The following OLFM1 variants were observed in gnomAD, a reference collection of about 807,000 sequenced individuals.
OLFM1 encodes the protein olfactomedin 1, also known as noelin.
In OLFM1, 9 loss-of-function variants were observed where a neutral mutation model predicts 49.7. The observed-to-expected ratio is 0.18, with a 90% confidence interval of 0.11 to 0.32. The LOEUF (loss-of-function observed/expected upper bound fraction) is 0.32. Among genes scored for constraint, OLFM1 ranks in the 10% least tolerant of loss-of-function variants. The pLI is 1.00. For synonymous variants in OLFM1, 240 were observed against 271.8 expected (o/e 0.88, Z 1.15); for missense variants, 369 against 661.8 (o/e 0.56, Z 4.85).
intron 5 of OLFM1, among the ~76,000 whole-genome samples, chr9:135,108,923 C>A (rs2119133179): frequency 6.6e-6 from 1 of 152,206 alleles, no homozygotes; most frequent in Non-Finnish European, 1.5e-5. Flanking sequence ...TCCCTTATAC[C>A]ACCCTCCCCC....
upstream of OLFM1, among the ~76,000 whole-genome samples, chr9:135,084,623 C>T (rs1254446587): frequency 1.3e-5 from 2 of 151,038 alleles, no homozygotes; most frequent in African/African-American, 4.9e-5. The surrounding 1 kb of genome is among the most constrained non-coding windows in gnomAD (Gnocchi z 4.6). Flanking sequence ...TCCCCTTCTC[C>T]CTCCCTTTCT....
intron 1 of OLFM1, chr9:135,077,409 T>C: frequency 5.5e-6 from 4 of 733,734 alleles, no homozygotes; most frequent in Non-Finnish European, 7.8e-6. Context: ...TCTTTGTGTC[T>C]TTTTAAAGAT....
rs138372395 is a variant in OLFM1 at position 135,114,123 on chromosome 9, C to CTTTTTTTTTTTTT, written c.784-5366_784-5354dup. Reference sequence around the variant, plus strand: ...TCCAGGACCAGCTCATCTTGAGATTCTTTTTTTTTTTTTTTTTTTTTTTTT... The same window carrying CTTTTTTTTTTTTT: ...TCCAGGACCAGCTCATCTTGAGATTCTTTTTTTTTTTTTTTTTTTTTTTTTTTTTTTTTTTTTT... On this transcript the variant is annotated intron_variant, in intron 5 of 5. Coordinates refer to ENST00000371793, the MANE Select transcript of OLFM1 (RefSeq NM_001282611.2). Among the ~76,000 whole-genome samples the CTTTTTTTTTTTTT allele has an allele frequency of 2.6e-5, 2 of 75,850 alleles. 1 individual carries two copies. Among genetic ancestry groups the CTTTTTTTTTTTTT allele is most frequent in the Non-Finnish European group, 5.0e-5 (2 of 39,996 alleles). 49.8% of individuals were successfully genotyped at this position (75,850 alleles called of 152,430 possible). A position where few individuals can be genotyped will look rare whatever the true frequency, so the allele number is the denominator to read the frequency against.
rs1218271761 is a variant in OLFM1 at position 135,100,398 on chromosome 9, G to A, written c.676+1893G>A. 5.9e-5 allele frequency among the ~76,000 whole-genome samples: 9 copies of A among 152,274 alleles called. No homozygotes were observed. In the East Asian group the frequency reaches 1.5e-3, roughly 26 times the overall value. On this transcript the variant is annotated intron_variant, in intron 4 of 5. Transcript: ENST00000371793. ...GAAAGAGATCACATGGCCGTCCTTG[G>A]GCTGCTAACACCATTGATTTGGGAG...
At chr9:135,078,908 CT>C (rs1375779359) in intron 1 of OLFM1, among the ~76,000 whole-genome samples, 6 of 152,242 alleles carry the variant, frequency 3.9e-5, no homozygotes, top group African/African-American at 1.2e-4. Flanking sequence ...TTTAACCCCT[CT>C]GAGCCTGACC....
rs751453579 is a variant in OLFM1 at position 135,120,200 on chromosome 9, G to A, written c.*22G>A. 16 of 1,589,156 alleles carry A rather than the reference G, an allele frequency of 1.0e-5. No individual in the cohort carries two copies. The Middle Eastern group carries it at 5.1e-4, about 50-fold the overall frequency. Reference sequence around the variant, plus strand: ...GTAGCTCCCTCCTCCTGGAAGCCAAGGGCCCACGTCCTCACCACAAAGGGA... The same window carrying A: ...GTAGCTCCCTCCTCCTGGAAGCCAAAGGCCCACGTCCTCACCACAAAGGGA... On this transcript the variant is annotated 3_prime_UTR_variant, in exon 6 of 6. Transcript: ENST00000371793.
rs1830516520 is a variant in OLFM1, at chr9:135,080,334, G to A, written c.96+4532G>A. Among the ~76,000 whole-genome samples, 1 of 152,096 alleles carries A rather than the reference G, an allele frequency of 6.6e-6. No individual in the cohort carries two copies. Among genetic ancestry groups the A allele is most frequent in the South Asian group, 2.1e-4 (1 of 4,828 alleles). ...CAGTGTTTGTAGAAGGGGATGGAGT[G>A]CACGGGTAGGGGGAAGAGTTCAGGT... On this transcript the variant is annotated intron_variant, in intron 1 of 5. Coordinates refer to the OLFM1 transcript ENST00000252854. This position sits in a 1 kb window ranked among gnomAD's most constrained non-coding sequence, Gnocchi z 4.5.
At chr9:135,104,720 C>T (rs532479289) in intron 4 of OLFM1, among the ~76,000 whole-genome samples, 173 of 152,312 alleles carry the variant, frequency 1.1e-3, no homozygotes, top group Non-Finnish European at 1.7e-3. Flanking sequence ...CCAGCGCCCA[C>T]CCAGTGCAGA....
At position 135,088,217 on chromosome 9, in the gene OLFM1, C is replaced by G; in HGVS notation, c.150+78C>G. The G allele has an allele frequency of 8.4e-7, 1 of 1,192,538 alleles. No homozygotes were observed. The highest frequency in any genetic ancestry group is 1.0e-6 in the Non-Finnish European group (1 of 953,506). 73.9% of individuals were successfully genotyped at this position (1,192,538 alleles called of 1,614,324 possible). On this transcript the variant is annotated intron_variant, in intron 1 of 5. Coordinates refer to ENST00000371793, the MANE Select transcript of OLFM1 (RefSeq NM_001282611.2). This position sits in a 1 kb window ranked among gnomAD's most constrained non-coding sequence, Gnocchi z 4.8. ...CCCCTCCTCGGTCCGGAGCCCCGGG[C>G]TGGGCGGGCGCCGCGCGGGACCCGA...
intron 4 of OLFM1, among the ~76,000 whole-genome samples, chr9:135,099,922 G>A (rs1042486761): frequency 6.6e-6 from 1 of 152,122 alleles, no homozygotes. Flanking sequence ...ATGATGATAG[G>A]GCTGTATTAA....
At chr9:135,087,224 G>C, upstream of OLFM1, 1 of 1,404,720 alleles carries the variant, frequency 7.1e-7, no homozygotes, top group Non-Finnish European at 9.2e-7. Flanking sequence ...CTGCCTGCTG[G>C]GTTTCAGGCG....
Position 135,117,065 on chromosome 9 carries a change from T to C in OLFM1, c.784-2439T>C, listed in dbSNP as rs943336714. On this transcript the variant is annotated intron_variant, in intron 5 of 5. Coordinates refer to ENST00000371793, the MANE Select transcript of OLFM1 (RefSeq NM_001282611.2). The surrounding 1 kb of genome is among the most constrained non-coding windows in gnomAD (Gnocchi z 5.5). ...CTCGACGGATAAAGCAGCTGTCTCA[T>C]TGCCAGACAGATGCATGCAGAGCGG... 2.8e-4 allele frequency among the ~76,000 whole-genome samples: 43 copies of C among 152,336 alleles called. No individual in the cohort carries two copies. The highest frequency in any genetic ancestry group is 1.0e-3 in the African/African-American group (42 of 41,580).
intron 5 of OLFM1, among the ~76,000 whole-genome samples, chr9:135,107,939 G>A (rs922732752): frequency 4.6e-5 from 7 of 152,090 alleles, no homozygotes; most frequent in South Asian, 2.1e-4. Context: ...AAACATGGGC[G>A]GTACGGCCTC....
intron 4 of OLFM1, among the ~76,000 whole-genome samples, chr9:135,105,437 G>A (rs541714127): frequency 6.6e-6 from 1 of 152,352 alleles, no homozygotes; most frequent in African/African-American, 2.4e-5. Flanking sequence ...CATGCCGGCA[G>A]GGCCGGGAGC....
chr9:135,115,746 C>G (rs1429961221), intron 5 of OLFM1, among the ~76,000 whole-genome samples: 2 of 152,234 alleles, frequency 1.3e-5, no homozygotes, highest in African/African-American at 2.4e-5. Context: ...TTTGGAGTCC[C>G]CTCTTGACTC....
exon 1 of OLFM1, chr9:135,075,552 G>C (rs1308867700): frequency 2.3e-6 from 1 of 441,284 alleles, no homozygotes; most frequent in Non-Finnish European, 3.9e-6. Flanking sequence ...CGGAGGCTTC[G>C]CGCAGCAGAG....
chr9:135,075,618 G>A (rs949857386), exon 1 of OLFM1: 39 of 889,762 alleles, frequency 4.4e-5, no homozygotes, highest in Non-Finnish European at 6.1e-5. Context: ...CGAGCCAGGC[G>A]CCGCCGCCGG....
rs962677528 is a variant in OLFM1 at position 135,113,841 on chromosome 9, G to T, written c.784-5663G>T. ...TGTGGCTGCTGCAGGAGCTCCCACA[G>T]CCTGGGGGGCACCACAGGGGCTCAC... On this transcript the variant is annotated intron_variant, in intron 5 of 5. Coordinates refer to ENST00000371793, the MANE Select transcript of OLFM1 (RefSeq NM_001282611.2). The surrounding 1 kb of genome is among the most constrained non-coding windows in gnomAD (Gnocchi z 4.0). 1.3e-5 allele frequency among the ~76,000 whole-genome samples: 2 copies of T among 152,222 alleles called. No individual in the cohort carries two copies. Among genetic ancestry groups the T allele is most frequent in the African/African-American group, 4.8e-5 (2 of 41,470 alleles).
At chr9:135,090,370 T>TTGTA (rs1554752645) in intron 2 of OLFM1, 26 bp downstream of exon 2, 1 of 1,459,680 alleles carries the variant, frequency 6.9e-7, no homozygotes, top group African/African-American at 2.3e-5. Context: ...GTGTGTGAGT[T>TTGTA]TGTATGTGTG....
Sources: allele counts gnomAD v4.1 joint callset (sites outside exome capture counted in the v4.1 genomes callset), GRCh38; gene constraint gnomAD v4.1.1; non-coding constraint Gnocchi (gnomAD v3.1); transcripts MANE v1.5; gene names NCBI Gene and HGNC (gene_info 2026-07-23, HGNC 2026-07-21).